The following BORCS5 variants were observed in gnomAD, a reference collection of about 807,000 sequenced individuals.
BORCS5 encodes BLOC-1 related complex subunit 5.
In BORCS5, 17 loss-of-function variants were observed where a neutral mutation model predicts 22.1. The observed-to-expected ratio is 0.77, with a 90% CI of 0.53 to 1.15. The LOEUF is 1.15. Among genes scored for constraint, BORCS5 ranks in the 50% most tolerant of loss-of-function variants. The pLI is 0.00. For synonymous variants in BORCS5, 117 were observed against 99.8 expected (o/e 1.17, Z -1.03); for missense variants, 247 against 253.2 (o/e 0.98, Z 0.17).
chr12:12,420,380 G>A (rs1212344789), intron 2 of BORCS5, among the ~76,000 whole-genome samples: 3 of 152,052 alleles, frequency 2.0e-5, no homozygotes, highest in Non-Finnish European at 2.9e-5. Flanking sequence ...ATTTCTGAGG[G>A]CTCTGTTCTG....
chr12:12,366,776 TTATA>T (rs905722854), intron 2 of BORCS5, among the ~76,000 whole-genome samples: 1 of 152,214 alleles, frequency 6.6e-6, no homozygotes, highest in African/African-American at 2.4e-5. Context: ...GGTTGGTGTT[TTATA>T]TATAAAGTTA....
chr12:12,384,777 G>A (rs902870162), intron 2 of BORCS5, among the ~76,000 whole-genome samples: 1 of 151,182 alleles, frequency 6.6e-6, no homozygotes, highest in Non-Finnish European at 1.5e-5. Flanking sequence ...GGGCTCAGCT[G>A]GGCAGTTCTG....
intron 3 of BORCS5, among the ~76,000 whole-genome samples, chr12:12,458,194 C>G (rs1452157701): frequency 6.6e-6 from 1 of 152,168 alleles, no homozygotes; most frequent in Non-Finnish European, 1.5e-5. Flanking sequence ...AGGGCACAAG[C>G]TTCACACTGT....
At chr12:12,429,080 A>ACT (rs1942358601) in intron 2 of BORCS5, among the ~76,000 whole-genome samples, 1 of 152,140 alleles carries the variant, frequency 6.6e-6, no homozygotes, top group South Asian at 2.1e-4. Context: ...GATGGTGGGG[A>ACT]CTGAGCAAAC....
intron 2 of BORCS5, among the ~76,000 whole-genome samples, chr12:12,414,721 C>G (rs1393571821): frequency 1.5e-5 from 2 of 131,534 alleles, no homozygotes; most frequent in African/African-American, 3.0e-5. Context: ...GATGGGGTGG[C>G]TGCCGGGCGG....
intron 2 of BORCS5, among the ~76,000 whole-genome samples, chr12:12,407,548 A>G (rs1404456550): frequency 6.6e-6 from 1 of 152,154 alleles, no homozygotes; most frequent in Non-Finnish European, 1.5e-5. Flanking sequence ...GGCATTAAGT[A>G]TATTCACATT....
chr12:12,364,738 G>A (rs1482137417), intron 2 of BORCS5, among the ~76,000 whole-genome samples: 6 of 152,342 alleles, frequency 3.9e-5, no homozygotes, highest in East Asian at 3.9e-4. Context: ...AGGCCAAGGC[G>A]GTTGGATCAC....
At chr12:12,428,298 A>G (rs538456173) in intron 2 of BORCS5, among the ~76,000 whole-genome samples, 41 of 152,306 alleles carry the variant, frequency 2.7e-4, no homozygotes, top group African/African-American at 9.4e-4. Flanking sequence ...TATTTCCCAC[A>G]CTTCTAACCC....
intron 2 of BORCS5, among the ~76,000 whole-genome samples, chr12:12,422,574 C>G (rs932717447): frequency 6.6e-6 from 1 of 151,734 alleles, no homozygotes; most frequent in African/African-American, 2.4e-5. Context: ...GCACTCCAGC[C>G]TGGGTAACAG....
At chr12:12,444,779 A>G (rs926850042) in intron 3 of BORCS5, among the ~76,000 whole-genome samples, 2 of 152,142 alleles carry the variant, frequency 1.3e-5, no homozygotes, top group African/African-American at 2.4e-5. Context: ...ATCAAGCTAT[A>G]ATAGTTTATA....
At chr12:12,455,617 A>G (rs1942984373) in intron 3 of BORCS5, among the ~76,000 whole-genome samples, 1 of 152,096 alleles carries the variant, frequency 6.6e-6, no homozygotes, top group Non-Finnish European at 1.5e-5. Context: ...TGTCTCTACT[A>G]AAAATATAAA....
At chr12:12,374,630 A>G (rs1863607838) in intron 2 of BORCS5, among the ~76,000 whole-genome samples, 1 of 116,104 alleles carries the variant, frequency 8.6e-6, no homozygotes, top group African/African-American at 6.0e-5. Context: ...CCCTGTCTCA[A>G]ATAAAATAAA....
chr12:12,421,701 G>A (rs1352617020), intron 2 of BORCS5, among the ~76,000 whole-genome samples: 1 of 152,072 alleles, frequency 6.6e-6, no homozygotes, highest in African/African-American at 2.4e-5. Flanking sequence ...TTGGTTGGTA[G>A]GCTATTAATT....
intron 1 of BORCS5, among the ~76,000 whole-genome samples, chr12:12,359,896 G>A (rs1284013935): frequency 6.6e-6 from 1 of 152,008 alleles, no homozygotes; most frequent in Non-Finnish European, 1.5e-5. Context: ...CTGACTTTGG[G>A]CAAGTCACAG....
intron 2 of BORCS5, among the ~76,000 whole-genome samples, chr12:12,415,066 T>G (rs1317436068): frequency 1.4e-5 from 2 of 142,190 alleles, no homozygotes; most frequent in African/African-American, 2.6e-5. Flanking sequence ...CTTTCCAGAC[T>G]GGGCAGCCAG....
intron 2 of BORCS5, among the ~76,000 whole-genome samples, chr12:12,433,837 C>T (rs1184626037): frequency 1.3e-5 from 2 of 152,144 alleles, no homozygotes; most frequent in African/African-American, 4.8e-5. Context: ...CTGAGAGCAT[C>T]GACCAGCATT....
At chr12:12,394,826 G>C (rs756591162) in intron 2 of BORCS5, among the ~76,000 whole-genome samples, 1 of 152,092 alleles carries the variant, frequency 6.6e-6, no homozygotes, top group Non-Finnish European at 1.5e-5. Flanking sequence ...TACACTGGTT[G>C]TACTTCATAC....
At chr12:12,406,190 C>T (rs1592093507) in intron 2 of BORCS5, among the ~76,000 whole-genome samples, 1 of 152,198 alleles carries the variant, frequency 6.6e-6, no homozygotes. Flanking sequence ...GCTTTATTGC[C>T]AACTCATTGT....
chr12:12,379,067 C>T (rs1367120531), intron 2 of BORCS5, among the ~76,000 whole-genome samples: 5 of 150,952 alleles, frequency 3.3e-5, no homozygotes, highest in African/African-American at 1.2e-4. Flanking sequence ...GAATCCTATA[C>T]TTTATGCAAC....
Sources: gnomAD v4.1 joint callset for allele counts (sites outside exome capture counted in the v4.1 genomes callset) on GRCh38, gnomAD v4.1.1 for gene constraint, MANE v1.5 for transcripts, NCBI Gene and HGNC (gene_info 2026-07-23, HGNC 2026-07-21) for gene names.